CMTR1: variants seen among roughly 807,000 people sequenced by gnomAD.
The protein encoded by CMTR1 is cap methyltransferase 1, also known as cap-specific mRNA (nucleoside-2'-O-)-methyltransferase 1.
In CMTR1, 39 loss-of-function variants were observed where a neutral mutation model predicts 107.0. The observed-to-expected ratio is 0.36, with a 90% CI of 0.28 to 0.48. CMTR1 has a LOEUF of 0.48. CMTR1 is among the 20% of genes least tolerant of loss of function. The pLI, the probability that CMTR1 is intolerant of heterozygous loss-of-function variation, is 0.99. For synonymous variants in CMTR1, 366 were observed against 379.5 expected, an observed-to-expected ratio of 0.96 and a Z score of 0.41; for missense variants, 672 against 1,064.9, an observed-to-expected ratio of 0.63 and a Z score of 5.14.
In CMTR1 at chr6:37,475,424, G is replaced by GC; in HGVS notation, c.2036+16dup. On this transcript the variant is annotated intron_variant, in intron 19 of 23. Transcript: ENST00000373451. ...CACTTTAACCAGCGGTCTGACCTGGGCCCCAGGGTAGGGAGGGTGGGGGTA... is the reference window on the plus strand; with the variant it reads ...CACTTTAACCAGCGGTCTGACCTGGGCCCCCAGGGTAGGGAGGGTGGGGGTA... The GC allele has an allele frequency of 1.4e-6, 2 of 1,406,510 alleles. No individual in the cohort carries two copies. The highest frequency in any genetic ancestry group is 2.0e-6 in the Non-Finnish European group (2 of 999,544). 87.1% of individuals were successfully genotyped at this position (1,406,510 alleles called of 1,614,324 possible).
chr6:37,451,915 T>A, intron 6 of CMTR1, 38 bp downstream of exon 6: 1 of 1,535,392 alleles, frequency 6.5e-7, no homozygotes, highest in Non-Finnish European at 9.0e-7. Flanking sequence ...ATGAAAACCT[T>A]GTGGGAGGTG....
rs116523216 is a variant in CMTR1, at chr6:37,438,315, G to A, written c.133+2553G>A. 3.4e-3 allele frequency among the ~76,000 whole-genome samples: 521 copies of A among 152,204 alleles called. 7 individuals are homozygous for A. The highest frequency in any genetic ancestry group is 0.011 in the African/African-American group (462 of 41,504). On this transcript the variant is annotated intron_variant, in intron 2 of 23. Transcript: ENST00000373451. ...GGATCACTTGAGCCTAGGAGGTAGA[G>A]GTTGCACTGAGCCAAGATTATGCCA...
chr6:37,459,694 CT>C lies in CMTR1; in HGVS notation c.1095+16del. On this transcript the variant is annotated intron_variant, in intron 10 of 23. Coordinates refer to ENST00000373451, the MANE Select transcript of CMTR1 (RefSeq NM_015050.3). ...TCTGATGGCTGATGGGGTAGGTTAC[CT>C]TTTTTCCATAGACTGATGCATTAAG... is the stretch of plus-strand genomic sequence containing the variant. The C allele has an allele frequency of 6.3e-7, 1 of 1,580,272 alleles. No homozygotes were observed. Among genetic ancestry groups the C allele is most frequent in the Non-Finnish European group, 8.7e-7 (1 of 1,149,290 alleles).
chr6:37,443,437 T>A (rs1408106104), intron 2 of CMTR1, among the ~76,000 whole-genome samples: 1 of 151,888 alleles, frequency 6.6e-6, no homozygotes, highest in Non-Finnish European at 1.5e-5. Context: ...TCACTGCAAC[T>A]TCTGCCTCCC....
chr6:37,481,505 TTAATGCCTGTGTGGC>T, exon 24 of CMTR1: 1 of 1,108,348 alleles, frequency 9.0e-7, no homozygotes, highest in Non-Finnish European at 1.1e-6. Context: ...AAACATATTT[TTAATGCCTGTGTGGC>T]TCTGTGTTGG....
chr6:37,453,359 A>G, intron 8 of CMTR1, 47 bp downstream of exon 8: 1 of 1,530,278 alleles, frequency 6.5e-7, no homozygotes, highest in Non-Finnish European at 9.1e-7. Flanking sequence ...AAGAGGGCTT[A>G]AGTTTCAGTG....
chr6:37,436,667 G>A (rs1771536608), intron 2 of CMTR1, among the ~76,000 whole-genome samples: 2 of 152,028 alleles, frequency 1.3e-5, no homozygotes, highest in Admixed American at 1.3e-4. Context: ...CTCTGTGTGT[G>A]TCTGTATCCA....
In CMTR1 at chr6:37,465,039, C is replaced by T. The variant is rs898831367; in HGVS notation, c.1505+2031C>T. 8.0e-5 allele frequency among the ~76,000 whole-genome samples: 12 copies of T among 150,716 alleles called. No homozygotes were observed. The East Asian group carries it at 1.4e-3, about 17-fold the overall frequency. ...AATCCAGCACTTTGGGAGGCCAAGG[C>T]GGGTGGATCACCTGAGGTCGGGAGT... On this transcript the variant is annotated intron_variant, in intron 13 of 23. Coordinates refer to ENST00000373451, the MANE Select transcript of CMTR1 (RefSeq NM_015050.3).
At chr6:37,444,850 C>A (rs1193006721) in intron 3 of CMTR1, among the ~76,000 whole-genome samples, 3 of 152,054 alleles carry the variant, frequency 2.0e-5, no homozygotes, top group African/African-American at 7.2e-5. Flanking sequence ...CATGGTGAAA[C>A]CCCGTCTCTA....
chr6:37,478,560 C>T lies in CMTR1; in HGVS notation c.2266+39C>T, dbSNP rs763737941. 1.9e-5 allele frequency: 29 copies of T among 1,516,982 alleles called. No homozygotes were observed. The South Asian group carries it at 2.7e-4, about 14-fold the overall frequency. The allele number at this position is 1,516,982 out of a possible 1,614,324, so 94.0% of individuals were successfully genotyped here. A position where few individuals can be genotyped will look rare whatever the true frequency, so the allele number is the denominator to read the frequency against. On this transcript the variant is annotated intron_variant, in intron 22 of 23. Coordinates refer to ENST00000373451, the MANE Select transcript of CMTR1 (RefSeq NM_015050.3). ...GACTGTTCCCGCCATCCCCTCCCCT[C>T]TCCCCTCTCCTCGCCAGGTGATGGG...
Position 37,472,020 on chromosome 6 carries a change from C to T in CMTR1, c.1620+116C>T, listed in dbSNP as rs1365747659. 9 of 876,158 alleles carry T rather than the reference C, an allele frequency of 1.0e-5. No individual in the cohort carries two copies. Among genetic ancestry groups the T allele is most frequent in the Non-Finnish European group, 1.6e-5 (9 of 567,772 alleles). 54.3% of individuals were successfully genotyped at this position (876,158 alleles called of 1,614,324 possible). ...CTCTGCATCCAAAAATATCTGCTACCCTCACAGCATCCCAGAGGTTGACAT... is the reference window on the plus strand; with the variant it reads ...CTCTGCATCCAAAAATATCTGCTACTCTCACAGCATCCCAGAGGTTGACAT... On this transcript the variant is annotated intron_variant, in intron 15 of 23. Transcript: ENST00000373451. This position sits in a 1 kb window ranked among gnomAD's most constrained non-coding sequence, Gnocchi z 4.1.
intron 3 of CMTR1, among the ~76,000 whole-genome samples, chr6:37,444,854 G>A (rs998384516): frequency 4.6e-5 from 7 of 152,028 alleles, no homozygotes; most frequent in South Asian, 2.1e-4. Context: ...GTGAAACCCC[G>A]TCTCTACTAA....
chr6:37,434,337 T>G (rs1221130728), intron 1 of CMTR1, among the ~76,000 whole-genome samples: 1 of 152,132 alleles, frequency 6.6e-6, no homozygotes, highest in Non-Finnish European at 1.5e-5. Context: ...TCAGTGACAC[T>G]TTTGGGTTTC....
intron 2 of CMTR1, among the ~76,000 whole-genome samples, chr6:37,442,361 C>A (rs965243237): frequency 3.3e-5 from 5 of 152,240 alleles, no homozygotes; most frequent in African/African-American, 1.2e-4. Context: ...GCCTGAACAG[C>A]TTGCACTATT....
intron 1 of CMTR1, among the ~76,000 whole-genome samples, chr6:37,434,390 C>G (rs1470977418): frequency 2.0e-5 from 3 of 152,132 alleles, no homozygotes; most frequent in African/African-American, 7.2e-5. Context: ...GGATTGTTTC[C>G]CAGCTTGTCG....
intron 17 of CMTR1, among the ~76,000 whole-genome samples, chr6:37,474,064 G>A (rs896857886): frequency 8.5e-5 from 13 of 152,212 alleles, no homozygotes; most frequent in African/African-American, 3.1e-4. Context: ...ACTGGGTAAA[G>A]TCATTGCTTT....
intron 6 of CMTR1, among the ~76,000 whole-genome samples, chr6:37,452,489 T>G (rs917888127): frequency 1.3e-5 from 2 of 152,184 alleles, no homozygotes; most frequent in East Asian, 1.9e-4. Context: ...CTCACAGATT[T>G]TATTTTTTGG....
intron 13 of CMTR1, among the ~76,000 whole-genome samples, chr6:37,469,006 C>G (rs1460289710): frequency 6.6e-6 from 1 of 152,188 alleles, no homozygotes; most frequent in African/African-American, 2.4e-5. Context: ...GAGCTTGAGA[C>G]TGGCCTGGCC....
intron 2 of CMTR1, among the ~76,000 whole-genome samples, chr6:37,443,770 GT>G (rs1301532435): frequency 6.6e-6 from 1 of 152,266 alleles, no homozygotes; most frequent in East Asian, 1.9e-4. Context: ...AAGGAAAACT[GT>G]TATTTTTGAG....
Sources: gnomAD v4.1 joint callset for allele counts (sites outside exome capture counted in the v4.1 genomes callset) on GRCh38, gnomAD v4.1.1 for gene constraint, Gnocchi (gnomAD v3.1) non-coding constraint, MANE v1.5 for transcripts, NCBI Gene and HGNC (gene_info 2026-07-23, HGNC 2026-07-21) for gene names.